TMEM232: variants seen among roughly 807,000 people sequenced by gnomAD.
TMEM232 encodes the protein transmembrane protein 232.
In TMEM232, 80 loss-of-function variants were observed where a neutral mutation model predicts 78.8. The observed-to-expected ratio is 1.01, with a 90% confidence interval of 0.85 to 1.22. The LOEUF is 1.22. TMEM232 is among the 50% of genes most tolerant of loss of function. TMEM232 has a pLI of 0.00. For missense variants in TMEM232, 881 were observed against 742.2 expected (o/e 1.19, Z -2.17); for synonymous variants, 297 against 254.3 (o/e 1.17, Z -1.60).
intron 12 of TMEM232, among the ~76,000 whole-genome samples, chr5:110,502,804 C>T (rs973942379): frequency 6.6e-6 from 1 of 152,188 alleles, no homozygotes; most frequent in Non-Finnish European, 1.5e-5. Context: ...CGTATGTCTA[C>T]ACTCTTTTTC....
chr5:110,408,711 ATAAG>A (rs1434126588), intron 2 of TMEM232, among the ~76,000 whole-genome samples: 1 of 152,158 alleles, frequency 6.6e-6, no homozygotes, highest in African/African-American at 2.4e-5. Flanking sequence ...GAAGACCCAA[ATAAG>A]TAACATCAGG....
At chr5:110,567,901 C>A (rs182966110) in intron 11 of TMEM232, among the ~76,000 whole-genome samples, 41 of 152,034 alleles carry the variant, frequency 2.7e-4, no homozygotes, top group Admixed American at 3.9e-4. Context: ...ATGCCCCTTG[C>A]CCCTCCTATT....
At chr5:110,559,535 C>G (rs1396673818) in intron 11 of TMEM232, among the ~76,000 whole-genome samples, 1 of 152,008 alleles carries the variant, frequency 6.6e-6, no homozygotes, top group Non-Finnish European at 1.5e-5. Flanking sequence ...GCAATTTATA[C>G]CAAGAGAATA....
chr5:110,661,363 G>A (rs970714097), intron 2 of TMEM232, among the ~76,000 whole-genome samples: 1 of 152,140 alleles, frequency 6.6e-6, no homozygotes, highest in Non-Finnish European at 1.5e-5. Context: ...CCAGGCTGAA[G>A]TGCAGTGGTG....
chr5:110,618,295 C>T (rs1783196805), intron 8 of TMEM232, 134 bp downstream of exon 8: 3 of 1,115,436 alleles, frequency 2.7e-6, no homozygotes, highest in Admixed American at 3.1e-5. Flanking sequence ...ATTGCCATTG[C>T]CTTTGGAACT....
At chr5:110,625,580 T>C (rs557841554) in intron 6 of TMEM232, 147 bp from the exon 7 acceptor site, 147 of 623,918 alleles carry the variant, frequency 2.4e-4, no homozygotes, top group Non-Finnish European at 3.4e-4. Flanking sequence ...TAATGTTATG[T>C]ATGCCCCCTG....
intron 8 of TMEM232, among the ~76,000 whole-genome samples, chr5:110,611,349 A>C (rs1460630589): frequency 6.6e-6 from 1 of 152,154 alleles, no homozygotes; most frequent in East Asian, 1.9e-4. Context: ...GATGGATGAC[A>C]AAAATGTAGG....
At chr5:110,583,854 T>C (rs996496192) in intron 10 of TMEM232, among the ~76,000 whole-genome samples, 7 of 148,762 alleles carry the variant, frequency 4.7e-5, no homozygotes, top group South Asian at 2.1e-4. Flanking sequence ...CAAAGAAACA[T>C]AGAAGTAGCC....
intron 1 of TMEM232, among the ~76,000 whole-genome samples, chr5:110,717,508 A>G (rs1797135155): frequency 6.6e-6 from 1 of 152,192 alleles, no homozygotes; most frequent in African/African-American, 2.4e-5. Flanking sequence ...CAACAAAGAT[A>G]GCAAAACTGA....
At chr5:110,543,741 C>T (rs1261362660) in intron 11 of TMEM232, among the ~76,000 whole-genome samples, 1 of 152,132 alleles carries the variant, frequency 6.6e-6, no homozygotes, top group Non-Finnish European at 1.5e-5. Flanking sequence ...CTCTGGCCTT[C>T]GCAGCAACTC....
At chr5:110,396,620 A>G (rs1278195375) in intron 3 of TMEM232, among the ~76,000 whole-genome samples, 2 of 152,162 alleles carry the variant, frequency 1.3e-5, no homozygotes, top group Admixed American at 6.6e-5. Flanking sequence ...AGGAGCTCAC[A>G]AATCAGTGAT....
At chr5:110,582,456 A>G (rs181358742) in intron 10 of TMEM232, among the ~76,000 whole-genome samples, 1 of 152,110 alleles carries the variant, frequency 6.6e-6, no homozygotes, top group East Asian at 1.9e-4. Flanking sequence ...GGAGCTAAAC[A>G]TTGAGTACAC....
intron 10 of TMEM232, among the ~76,000 whole-genome samples, chr5:110,587,709 G>A (rs1027482895): frequency 8.8e-5 from 12 of 137,082 alleles, no homozygotes; most frequent in African/African-American, 2.5e-4. Flanking sequence ...GTGTGTGTGT[G>A]TGTGTGTGTG....
intron 1 of TMEM232, among the ~76,000 whole-genome samples, chr5:110,692,901 C>A (rs955303725): frequency 6.6e-6 from 1 of 152,202 alleles, no homozygotes; most frequent in Non-Finnish European, 1.5e-5. Context: ...AAAGAAAAGG[C>A]AGCAGTAACC....
chr5:110,467,866 T>C (rs1762246872), intron 12 of TMEM232, among the ~76,000 whole-genome samples: 1 of 152,054 alleles, frequency 6.6e-6, no homozygotes, highest in African/African-American at 2.4e-5. Flanking sequence ...TCCAAGATTC[T>C]AGTCTAGCAG....
At chr5:110,505,429 G>C (rs920134894) in intron 12 of TMEM232, among the ~76,000 whole-genome samples, 2 of 152,178 alleles carry the variant, frequency 1.3e-5, no homozygotes, top group African/African-American at 2.4e-5. Flanking sequence ...TACCTGAATT[G>C]TTTGCACTGA....
At chr5:110,645,066 A>T (rs998630315) in intron 2 of TMEM232, among the ~76,000 whole-genome samples, 1 of 151,688 alleles carries the variant, frequency 6.6e-6, no homozygotes, top group Non-Finnish European at 1.5e-5. Context: ...CCAATAAAAA[A>T]AAAGATTAGA....
At chr5:110,732,030 G>A (rs1217829627) in intron 2 of TMEM232, among the ~76,000 whole-genome samples, 4 of 152,146 alleles carry the variant, frequency 2.6e-5, no homozygotes, top group African/African-American at 9.7e-5. Context: ...ACTAGATACT[G>A]TAAATCATCT....
chr5:110,630,691 T>C (rs1444463435), intron 5 of TMEM232, among the ~76,000 whole-genome samples: 1 of 152,170 alleles, frequency 6.6e-6, no homozygotes, highest in African/African-American at 2.4e-5. Flanking sequence ...TGTGAGAATA[T>C]TAAACCCCTT....
Sources: allele counts gnomAD v4.1 joint callset (sites outside exome capture counted in the v4.1 genomes callset), GRCh38; gene constraint gnomAD v4.1.1; transcripts MANE v1.5; gene names NCBI Gene and HGNC (gene_info 2026-07-23, HGNC 2026-07-21).